GLG1: variants seen among roughly 807,000 people sequenced by gnomAD.
GLG1 encodes the protein Golgi apparatus protein 1.
A neutral mutation model predicts 160.5 loss-of-function variants in GLG1; 38 were observed. That is an observed-to-expected ratio of 0.24 (90% CI 0.18 to 0.31). GLG1 has a LOEUF of 0.31. Among genes scored for constraint, GLG1 ranks in the 10% least tolerant of loss-of-function variants. The probability of loss-of-function intolerance (pLI) is 1.00; values close to 1 mark genes in which losing one functional copy is unlikely to be tolerated. For missense variants in GLG1, 1,373 were observed against 1,505.2 expected (o/e 0.91, Z 1.45); for synonymous variants, 644 against 543.4 (o/e 1.19, Z -2.57).
At chr16:74,596,517 C>T (rs1467992467) in intron 1 of GLG1, among the ~76,000 whole-genome samples, 3 of 151,988 alleles carry the variant, frequency 2.0e-5, no homozygotes, top group African/African-American at 7.2e-5. Flanking sequence ...CCACAAGAGA[C>T]TCCACCTCAA....
intron 1 of GLG1, among the ~76,000 whole-genome samples, chr16:74,598,937 G>T (rs1306693324): frequency 1.3e-5 from 2 of 151,604 alleles, no homozygotes; most frequent in African/African-American, 2.4e-5. Flanking sequence ...ATAAAGAGGA[G>T]ATTTTTGTTA....
rs544474562 is a variant in GLG1 at position 74,555,463 on chromosome 16, A to T, written c.439-23310T>A. ...GCATTTTGGGAGGCTGAGGCAAGAC[A>T]ACTGCTTGAGCCCAGGAGTTCAAGA... is the stretch of plus-strand genomic sequence containing the variant. On this transcript the variant is annotated intron_variant, in intron 1 of 25. Coordinates refer to ENST00000422840, the MANE Select transcript of GLG1 (RefSeq NM_001145667.2). 1.8e-4 allele frequency among the ~76,000 whole-genome samples: 27 copies of T among 152,176 alleles called. No individual in the cohort carries two copies. In the East Asian group the frequency reaches 3.9e-3, roughly 22 times the overall value.
rs902720644 is a variant in GLG1 at position 74,451,166 on chromosome 16, C to G, written c.*2001G>C. ...CCCCAGGGGAACCTGCAGAGACTCT[C>G]GGGCCGCTCACTCCGGCTGGCAGTG... On this transcript the variant is annotated 3_prime_UTR_variant, in exon 26 of 26. Transcript: ENST00000422840. 2.6e-5 allele frequency: 4 copies of G among 152,436 alleles called. No individual in the cohort carries two copies. Among genetic ancestry groups the G allele is most frequent in the Non-Finnish European group, 4.4e-5 (3 of 68,200 alleles). 9.4% of individuals were successfully genotyped at this position (152,436 alleles called of 1,614,324 possible).
chr16:74,492,691 C>T (rs888614315), intron 7 of GLG1, among the ~76,000 whole-genome samples: 8 of 151,902 alleles, frequency 5.3e-5, no homozygotes, highest in East Asian at 1.9e-4. Context: ...CAGTGGCACT[C>T]GCCTGTAATC....
rs185345109 is a variant in GLG1 at position 74,582,768 on chromosome 16, C to A, written c.438+23889G>T. Among the ~76,000 whole-genome samples the A allele has an allele frequency of 5.1e-3, 781 of 151,742 alleles. 2 individuals carry two copies. The highest frequency in any genetic ancestry group is 8.5e-3 in the Non-Finnish European group (578 of 67,948). On this transcript the variant is annotated intron_variant, in intron 1 of 25. Transcript: ENST00000422840. Reference sequence around the variant, plus strand: ...CGGGAGGTGGAGCTTGACAGTGAGCCGAGATCGCGCCACTGCACTCCAGCC... The same window carrying A: ...CGGGAGGTGGAGCTTGACAGTGAGCAGAGATCGCGCCACTGCACTCCAGCC...
chr16:74,526,343 T>C (rs1189448138), intron 2 of GLG1, among the ~76,000 whole-genome samples: 1 of 146,784 alleles, frequency 6.8e-6, no homozygotes, highest in African/African-American at 2.5e-5. Flanking sequence ...TTTATGGTAA[T>C]TCTTTTCCTT....
intron 23 of GLG1, 118 bp from the exon 24 acceptor site, chr16:74,458,112 G>T: frequency 1.0e-6 from 1 of 955,656 alleles, no homozygotes; most frequent in Non-Finnish European, 1.6e-6. Context: ...TAACAACAGA[G>T]ACCACTTTGG....
chr16:74,589,275 A>C (rs903841309), intron 1 of GLG1, among the ~76,000 whole-genome samples: 1 of 151,638 alleles, frequency 6.6e-6, no homozygotes, highest in African/African-American at 2.4e-5. Flanking sequence ...AAAAAGAACA[A>C]TTATGTTAAA....
At position 74,607,037 on chromosome 16, in the gene GLG1, G is replaced by A. The variant is rs1335892897; in HGVS notation, c.58C>T (p.Leu20=). 1.3e-6 allele frequency: 2 copies of A among 1,595,166 alleles called. No homozygotes were observed. The highest frequency in any genetic ancestry group is 1.7e-5 in the Admixed American group (1 of 57,434). ...TCGGCCCCGGCCGCGAATAGCAGCA[G>A]CAGATGCAGCGCCGCCGACAAGCGG... is the stretch of plus-strand genomic sequence containing the variant. The part of the protein sequence containing the change: ...MFRLSAALHL[L]LLFAAGAEKL... Residue 20 remains leucine (L), a synonymous_variant, in exon 1 of 26, where the codon CTG becomes TTG. Transcript: ENST00000422840.
Position 74,447,452 on chromosome 16 carries a change from CTT to C in GLG1, c.*5713_*5714del, listed in dbSNP as rs2014111501. ...TTTAACAAGTAAAAACCTGCAAACT[CTT>C]TATTAAATTCTCCCATTTCATCTGT... On this transcript the variant is annotated 3_prime_UTR_variant, in exon 26 of 26. Coordinates refer to ENST00000422840, the MANE Select transcript of GLG1 (RefSeq NM_001145667.2). The C allele has an allele frequency of 6.6e-6, 1 of 152,132 alleles. No individual in the cohort carries two copies. Among genetic ancestry groups the C allele is most frequent in the South Asian group, 2.1e-4 (1 of 4,824 alleles). The allele number at this position is 152,132 out of a possible 1,614,324, so 9.4% of individuals were successfully genotyped here.
chr16:74,524,975 T>C (rs906592854), intron 2 of GLG1, among the ~76,000 whole-genome samples: 9 of 152,234 alleles, frequency 5.9e-5, no homozygotes, highest in African/African-American at 2.2e-4. Context: ...TTGTAACATG[T>C]ATTAGTACTT....
intron 10 of GLG1, among the ~76,000 whole-genome samples, chr16:74,480,609 T>G (rs1417783428): frequency 6.6e-6 from 1 of 151,338 alleles, no homozygotes; most frequent in East Asian, 1.9e-4. Flanking sequence ...CAGGCTGGAG[T>G]GCAGTGGTGC....
At chr16:74,454,672 A>ACC (rs2014459431) in intron 25 of GLG1, among the ~76,000 whole-genome samples, 4 of 86,872 alleles carry the variant, frequency 4.6e-5, no homozygotes, top group African/African-American at 1.3e-4. Context: ...TCCCCAAAAA[A>ACC]AAAAAAAAAA....
At chr16:74,585,665 G>A (rs188335850) in intron 1 of GLG1, among the ~76,000 whole-genome samples, 4 of 143,818 alleles carry the variant, frequency 2.8e-5, no homozygotes, top group African/African-American at 7.7e-5. Context: ...CCAAGATCAC[G>A]CTACTGTACT....
chr16:74,462,653 T>C, intron 20 of GLG1, 23 bp from the exon 21 acceptor site: 1 of 1,612,940 alleles, frequency 6.2e-7, no homozygotes, highest in Non-Finnish European at 8.5e-7. Context: ...GCAGTGAGCA[T>C]GTGACAAAAC....
At chr16:74,552,077 T>C (rs2018214480) in intron 1 of GLG1, among the ~76,000 whole-genome samples, 1 of 151,896 alleles carries the variant, frequency 6.6e-6, no homozygotes, top group African/African-American at 2.4e-5. Flanking sequence ...AAATAGGTTA[T>C]ATAAAAATTT....
chr16:74,510,982 A>G (rs1028716687), intron 2 of GLG1, among the ~76,000 whole-genome samples: 1 of 152,160 alleles, frequency 6.6e-6, no homozygotes, highest in Non-Finnish European at 1.5e-5. Context: ...GGTAGGGAGA[A>G]GACTTTTTTA....
chr16:74,600,731 CAAAAAAAA>C (rs56122377), intron 1 of GLG1, among the ~76,000 whole-genome samples: 1 of 112,606 alleles, frequency 8.9e-6, no homozygotes, highest in African/African-American at 3.6e-5. Context: ...GATTCCACCT[CAAAAAAAA>C]AAAAAAAAAA....
intron 2 of GLG1, among the ~76,000 whole-genome samples, chr16:74,511,418 A>G (rs771740008): frequency 1.6e-4 from 25 of 152,154 alleles, no homozygotes; most frequent in Non-Finnish European, 3.2e-4. Flanking sequence ...TTGGGAGGCC[A>G]AGGTAGGTGG....
Sources: gnomAD v4.1 joint callset for allele counts (sites outside exome capture counted in the v4.1 genomes callset) on GRCh38, gnomAD v4.1.1 for gene constraint, MANE v1.5 for transcripts, NCBI Gene and HGNC (gene_info 2026-07-23, HGNC 2026-07-21) for gene names.